ST3GAL3: variants seen among roughly 807,000 people sequenced by gnomAD.
ST3GAL3 encodes ST3 beta-galactoside alpha-2,3-sialyltransferase 3.
A neutral mutation model predicts 50.1 loss-of-function variants in ST3GAL3; 21 were observed. The observed-to-expected ratio is 0.42, with a 90% CI of 0.30 to 0.60. The LOEUF (loss-of-function observed/expected upper bound fraction) is 0.60, where lower values mean the gene tolerates loss of function less well. ST3GAL3 is among the 20% of genes least tolerant of loss of function. ST3GAL3 has a pLI of 0.19. For synonymous variants in ST3GAL3, 183 were observed against 190.0 expected (o/e 0.96, Z 0.30); for missense variants, 353 against 489.4 (o/e 0.72, Z 2.63).
chr1:43,917,450 A>AATATATAAT (rs1375576514), intron 9 of ST3GAL3, among the ~76,000 whole-genome samples: 11 of 23,436 alleles, frequency 4.7e-4, no homozygotes, highest in African/African-American at 7.2e-4. Flanking sequence ...TATAATATAT[A>AATATATAAT]ATATATAATA....
At chr1:43,858,354 C>G in intron 5 of ST3GAL3, 2 of 1,228,446 alleles carry the variant, frequency 1.6e-6, no homozygotes, top group Non-Finnish European at 2.1e-6. Flanking sequence ...GGGGCAGCTT[C>G]CTCCTTTGCA....
At chr1:43,748,598 A>G (rs7511800) in intron 2 of ST3GAL3, among the ~76,000 whole-genome samples, 1 of 151,502 alleles carries the variant, frequency 6.6e-6, no homozygotes, top group African/African-American at 2.4e-5. Context: ...TAAAAAAAAA[A>G]TTTTTATAAA....
At chr1:43,756,100 C>CAAAAAAAAAAAAAAAA (rs139101819) in intron 2 of ST3GAL3, among the ~76,000 whole-genome samples, 3 of 72,098 alleles carry the variant, frequency 4.2e-5, no homozygotes, top group Admixed American at 1.8e-4. Context: ...GAACCAGTCT[C>CAAAAAAAAAAAAAAAA]AAAAAAAAAA....
chr1:43,814,804 G>T, intron 3 of ST3GAL3, 87 bp from the exon 4 acceptor site: 1 of 1,265,374 alleles, frequency 7.9e-7, no homozygotes, highest in Non-Finnish European at 1.2e-6. Flanking sequence ...AGGGTGGTCT[G>T]TCCCTGTGGT....
At position 43,750,063 on chromosome 1, in the gene ST3GAL3, T is replaced by C. The variant is rs1046735745; in HGVS notation, c.118+13683T>C. Among the ~76,000 whole-genome samples the C allele has an allele frequency of 5.9e-5, 9 of 152,230 alleles. No homozygotes were observed. In the South Asian group the frequency reaches 1.9e-3, roughly 31 times the overall value. On this transcript the variant is annotated intron_variant, in intron 2 of 11. Transcript: ENST00000347631. ...TTACCCAGTCTCAGGTATTTTGTTATAGCACACAGAGTGGATTAAGACACA... is the reference window on the plus strand; with the variant it reads ...TTACCCAGTCTCAGGTATTTTGTTACAGCACACAGAGTGGATTAAGACACA...
chr1:43,874,244 T>A (rs1165275805), intron 5 of ST3GAL3, among the ~76,000 whole-genome samples: 1 of 152,194 alleles, frequency 6.6e-6, no homozygotes, highest in East Asian at 1.9e-4. Flanking sequence ...ATGGTTACTC[T>A]GTTGATAGGT....
intron 5 of ST3GAL3, among the ~76,000 whole-genome samples, chr1:43,846,893 A>T (rs1022647396): frequency 6.6e-6 from 1 of 152,238 alleles, no homozygotes; most frequent in Middle Eastern, 3.2e-3. Flanking sequence ...TTTGCAAATC[A>T]TATATCTGAT....
chr1:43,795,370 G>T (rs2058570337), intron 3 of ST3GAL3, among the ~76,000 whole-genome samples: 1 of 152,198 alleles, frequency 6.6e-6, no homozygotes, highest in South Asian at 2.1e-4. Flanking sequence ...ATTATAACTG[G>T]TTTTCAGTTT....
At chr1:43,791,155 A>C (rs1258075329) in intron 2 of ST3GAL3, among the ~76,000 whole-genome samples, 2 of 152,176 alleles carry the variant, frequency 1.3e-5, no homozygotes, top group Non-Finnish European at 2.9e-5. Flanking sequence ...TCACTTCTTC[A>C]GAGATGTCTT....
In ST3GAL3 at chr1:43,899,356, T is replaced by C; in HGVS notation, c.557+93T>C. On this transcript the variant is annotated intron_variant, in intron 8 of 11. Transcript: ENST00000347631. This position sits in a 1 kb window ranked among gnomAD's most constrained non-coding sequence, Gnocchi z 5.4. The stretch of plus-strand genomic sequence containing the variant: ...GAACTGTCTGTCTGGCTAGTTGGGC[T>C]GGAGGTCAACGGAAGCCTCAAGAAC... The C allele has an allele frequency of 6.2e-7, 1 of 1,609,052 alleles. No individual in the cohort carries two copies. The highest frequency in any genetic ancestry group is 8.5e-7 in the Non-Finnish European group (1 of 1,177,594).
chr1:43,801,079 GC>G (rs2059261110), intron 3 of ST3GAL3, among the ~76,000 whole-genome samples: 1 of 152,184 alleles, frequency 6.6e-6, no homozygotes, highest in Non-Finnish European at 1.5e-5. Context: ...GAGTTTTCTT[GC>G]CTCATGGACT....
chr1:43,788,041 G>A (rs1212299128), intron 2 of ST3GAL3, among the ~76,000 whole-genome samples: 1 of 152,184 alleles, frequency 6.6e-6, no homozygotes, highest in African/African-American at 2.4e-5. Context: ...AAATCCTAGA[G>A]CGGGATTCAG....
intron 2 of ST3GAL3, among the ~76,000 whole-genome samples, chr1:43,783,444 C>T (rs1699995614): frequency 6.6e-6 from 1 of 152,186 alleles, no homozygotes; most frequent in Admixed American, 6.5e-5. Context: ...CCCATCTTGT[C>T]TCTGATTGGG....
At chr1:43,846,012 T>C (rs2066195962) in intron 5 of ST3GAL3, among the ~76,000 whole-genome samples, 1 of 152,210 alleles carries the variant, frequency 6.6e-6, no homozygotes, top group South Asian at 2.1e-4. Flanking sequence ...GTTATATGAT[T>C]TTAATACTTT....
chr1:43,715,700 A>G (rs1667055219), intron 1 of ST3GAL3, among the ~76,000 whole-genome samples: 1 of 152,154 alleles, frequency 6.6e-6, no homozygotes, highest in Non-Finnish European at 1.5e-5. Context: ...TGACAGCAGG[A>G]TTGCCTGAGC....
intron 2 of ST3GAL3, among the ~76,000 whole-genome samples, chr1:43,754,717 G>T (rs1558152751): frequency 6.6e-6 from 1 of 152,140 alleles, no homozygotes; most frequent in Non-Finnish European, 1.5e-5. Context: ...AGCACTTCGG[G>T]AAGATGAGGC....
At chr1:43,859,160 G>T (rs1257641921) in intron 5 of ST3GAL3, among the ~76,000 whole-genome samples, 1 of 152,168 alleles carries the variant, frequency 6.6e-6, no homozygotes, top group Non-Finnish European at 1.5e-5. Flanking sequence ...CCTGGTCAGG[G>T]AAACACACAC....
chr1:43,770,480 C>G lies in ST3GAL3; in HGVS notation c.119-21622C>G, dbSNP rs532713739. ...AGGATGATAAAAAGATAGGACATTT[C>G]AAAGACTACATTTAAAGGAGAAAAA... On this transcript the variant is annotated intron_variant, in intron 2 of 11. Transcript: ENST00000347631. 7.2e-5 allele frequency among the ~76,000 whole-genome samples: 11 copies of G among 152,206 alleles called. No individual in the cohort carries two copies. The South Asian group carries it at 8.3e-4, about 11-fold the overall frequency.
chr1:43,711,520 C>T (rs896473516), intron 1 of ST3GAL3, among the ~76,000 whole-genome samples: 1 of 152,252 alleles, frequency 6.6e-6, no homozygotes, highest in Non-Finnish European at 1.5e-5. Flanking sequence ...ACTACTACCT[C>T]ATCTGGGGTA....
Sources: gnomAD v4.1 joint callset for allele counts (sites outside exome capture counted in the v4.1 genomes callset) on GRCh38, gnomAD v4.1.1 for gene constraint, Gnocchi (gnomAD v3.1) non-coding constraint, MANE v1.5 for transcripts, NCBI Gene and HGNC (gene_info 2026-07-23, HGNC 2026-07-21) for gene names.